Variants in ATP2B3 observed in about 807,000 individuals in gnomAD.
The protein encoded by ATP2B3 is plasma membrane calcium-transporting ATPase 3.
In ATP2B3, 12 loss-of-function variants were observed where a neutral mutation model predicts 70.8. That is an observed-to-expected ratio of 0.17 (90% CI 0.11 to 0.27). The LOEUF (loss-of-function observed/expected upper bound fraction) is 0.27, where lower values mean the gene tolerates loss of function less well. Ranked by LOEUF, ATP2B3 falls within the 10% of genes least tolerant of loss-of-function variation. The pLI is 1.00. For synonymous variants in ATP2B3, 460 were observed against 497.8 expected, an observed-to-expected ratio of 0.92 and a Z score of 1.01; for missense variants, 858 against 1,118.5, an observed-to-expected ratio of 0.77 and a Z score of 3.32.
At chrX:153,576,156 T>TCTAA (rs2090854789) in intron 21 of ATP2B3, among the ~76,000 whole-genome samples, 1 of 110,629 alleles carries the variant, frequency 9.0e-6, no homozygotes. Flanking sequence ...TACTGGAAGG[T>TCTAA]TTAGAGCCAG....
chrX:153,527,545 G>C (rs1432002087), intron 2 of ATP2B3, among the ~76,000 whole-genome samples: 2 of 112,779 alleles, frequency 1.8e-5, no homozygotes, highest in East Asian at 5.6e-4. Flanking sequence ...TGCCTTCTCT[G>C]GCAGGAAACA....
intron 17 of ATP2B3, 27 bp downstream of exon 17, chrX:153,558,330 A>T (rs1480434621): frequency 8.5e-7 from 1 of 1,171,052 alleles, no homozygotes; most frequent in East Asian, 3.1e-5. Context: ...GCCATGCCCC[A>T]GCTAGGACAC....
At position 153,567,818 on chromosome X, in the gene ATP2B3, C is replaced by A. The variant is rs187233847; in HGVS notation, c.3342+2715C>A. 7.0e-3 allele frequency among the ~76,000 whole-genome samples: 791 copies of A among 112,422 alleles called. 8 individuals are homozygous for A. The highest frequency in any genetic ancestry group is 0.045 in the Admixed American group (478 of 10,667). ...TTCCACGGGCTCCTGACCCCCATGG[C>A]TTTTCGCTTTGACTTTGTCACATCC... On this transcript the variant is annotated intron_variant, in intron 21 of 21. Coordinates refer to ENST00000263519, the MANE Select transcript of ATP2B3 (RefSeq NM_001001344.3).
At chrX:153,540,503 G>A (rs1195387380) in intron 3 of ATP2B3, among the ~76,000 whole-genome samples, 1 of 111,888 alleles carries the variant, frequency 8.9e-6, no homozygotes, top group African/African-American at 3.3e-5. Flanking sequence ...CTTCTTCCCC[G>A]AGAAACTTCT....
Position 153,541,349 on chromosome X carries a change from C to T in ATP2B3, c.209-10C>T, listed in dbSNP as rs1557006127. The T allele has an allele frequency of 8.3e-7, 1 of 1,211,819 alleles. No individual in the cohort carries two copies. Among genetic ancestry groups the T allele is most frequent in the Admixed American group, 2.2e-5 (1 of 46,132 alleles). On this transcript the variant is annotated splice_polypyrimidine_tract_variant and intron_variant, in intron 3 of 21. Transcript: ENST00000263519. ...ATCCTCCCCTTCTGTGCTTCCGGGG[C>T]ACCATGCAGGCCTGGCGGACAACAC... is the stretch of plus-strand genomic sequence containing the variant.
chrX:153,569,955 C>T, intron 21 of ATP2B3: 2 of 447,260 alleles, frequency 4.5e-6, no homozygotes, highest in Non-Finnish European at 7.4e-6. Context: ...CGTATTCAAC[C>T]CATGGCACTT....
At position 153,580,066 on chromosome X, in the gene ATP2B3, C is replaced by A. The variant is rs782443802; in HGVS notation, c.3431C>A (p.Thr1144Lys). The A allele has an allele frequency of 3.3e-6, 4 of 1,212,053 alleles. No individual in the cohort carries two copies. The highest frequency in any genetic ancestry group is 2.3e-4 in the Middle Eastern group (1 of 4,350). Residue 1144 changes from threonine (T) to lysine (K), a missense_variant, in exon 22 of 22, where the codon ACG (threonine) becomes AAG (lysine). Physicochemically the swap from Thr to Lys is moderately conservative, Grantham distance 78. Transcript: ENST00000263519. ...SKTSIHNFMA[T>K]PEFLINDYTH... is the part of the protein sequence containing the mutation. Reference sequence around the variant, plus strand: ...ACCTCCATTCACAACTTCATGGCCACGCCCGAGTTTCTGATCAATGACTAC... The same window carrying A: ...ACCTCCATTCACAACTTCATGGCCAAGCCCGAGTTTCTGATCAATGACTAC...
At chrX:153,573,582 AG>A (rs2124542528) in intron 21 of ATP2B3, among the ~76,000 whole-genome samples, 1 of 112,926 alleles carries the variant, frequency 8.9e-6, no homozygotes, top group African/African-American at 3.2e-5. Context: ...CAAACCCTAA[AG>A]TAGGCACCAG....
At position 153,580,589 on chromosome X, in the gene ATP2B3, G is replaced by A. The variant is rs1457474808; in HGVS notation, c.*291G>A. 2 of 298,822 alleles carry A rather than the reference G, an allele frequency of 6.7e-6. No homozygotes were observed. Among genetic ancestry groups the A allele is most frequent in the Non-Finnish European group, 1.2e-5 (2 of 169,998 alleles). 24.6% of individuals were successfully genotyped at this position (298,822 alleles called of 1,213,427 possible). On this transcript the variant is annotated 3_prime_UTR_variant, in exon 22 of 22. Coordinates refer to ENST00000263519, the MANE Select transcript of ATP2B3 (RefSeq NM_001001344.3). ...AGGAGAAGGTTCTTCGTCCAAAGGA[G>A]GAAGGAGAAGAAGTAGAAAGTGCGA... is the stretch of plus-strand genomic sequence containing the variant.
intron 20 of ATP2B3, 73 bp from the exon 21 acceptor site, chrX:153,564,848 T>C: frequency 9.7e-7 from 1 of 1,033,642 alleles, no homozygotes; most frequent in South Asian, 2.5e-5. Context: ...CGTCTCCCTC[T>C]GGAGAGGGAC....
chrX:153,529,278 G>A (rs1296278585), intron 2 of ATP2B3, among the ~76,000 whole-genome samples: 13 of 112,194 alleles, frequency 1.2e-4, no homozygotes, highest in Middle Eastern at 4.6e-3. Context: ...CACCTGGCTG[G>A]GCAGGATATG....
At chrX:153,551,328 G>A (rs2090453897) in intron 12 of ATP2B3, among the ~76,000 whole-genome samples, 1 of 112,453 alleles carries the variant, frequency 8.9e-6, no homozygotes, top group African/African-American at 3.2e-5. Context: ...ACAACGCTGA[G>A]CCTCTTTTGC....
chrX:153,535,940 G>A (rs1223494286), intron 2 of ATP2B3, among the ~76,000 whole-genome samples, 182 bp from the exon 3 acceptor site: 2 of 113,180 alleles, frequency 1.8e-5, no homozygotes, highest in African/African-American at 6.4e-5. Context: ...GGACCCGGGA[G>A]TGGCCTGGCT....
intron 2 of ATP2B3, among the ~76,000 whole-genome samples, chrX:153,523,358 A>G (rs2089985154): frequency 8.9e-6 from 1 of 112,250 alleles, no homozygotes; most frequent in African/African-American, 3.2e-5. Context: ...AATTCGCTTA[A>G]TTATTTGGCT....
chrX:153,574,863 G>A lies in ATP2B3; in HGVS notation c.3343-5115G>A, dbSNP rs782447905. The A allele has an allele frequency of 9.1e-6, 3 of 329,122 alleles. No individual in the cohort carries two copies. In the East Asian group the frequency reaches 2.9e-4, roughly 32 times the overall value. 27.1% of individuals were successfully genotyped at this position (329,122 alleles called of 1,213,427 possible). On this transcript the variant is annotated intron_variant, in intron 21 of 21. Coordinates refer to ENST00000263519, the MANE Select transcript of ATP2B3 (RefSeq NM_001001344.3). ...GGCACTCCACACCTGCACCCCTTCC[G>A]CTTTGGCTCAGTGTGGCCAGGGATG...
chrX:153,558,511 T>A (rs1257274906), intron 17 of ATP2B3, among the ~76,000 whole-genome samples: 1 of 112,707 alleles, frequency 8.9e-6, no homozygotes, highest in Admixed American at 9.3e-5. Context: ...ATTGGCTCTA[T>A]CTAGTTCCAG....
chrX:153,539,082 C>T (rs1160765191), intron 3 of ATP2B3, among the ~76,000 whole-genome samples: 5 of 112,281 alleles, frequency 4.5e-5, no homozygotes, highest in African/African-American at 3.2e-5. Context: ...AGAAGCCCCA[C>T]GGTTAGCACG....
At chrX:153,564,233 CG>C (rs2090668490) in intron 20 of ATP2B3, among the ~76,000 whole-genome samples, 1 of 112,922 alleles carries the variant, frequency 8.9e-6, no homozygotes, top group Non-Finnish European at 1.9e-5. Context: ...AGGGGAGTTG[CG>C]CAAACAGCGC....
intron 13 of ATP2B3, 50 bp downstream of exon 13, chrX:153,553,319 C>G (rs375079619): frequency 2.7e-6 from 3 of 1,091,242 alleles, no homozygotes; most frequent in Non-Finnish European, 3.7e-6. Context: ...GCCCTCTGCC[C>G]GAGCTTGTCC....
Sources: allele counts gnomAD v4.1 joint callset (sites outside exome capture counted in the v4.1 genomes callset), GRCh38; gene constraint gnomAD v4.1.1; transcripts MANE v1.5; gene names NCBI Gene and HGNC (gene_info 2026-07-23, HGNC 2026-07-21).